The following HOMER1 variants were observed in gnomAD, a reference collection of about 807,000 sequenced individuals.
HOMER1 encodes the protein homer scaffold protein 1, also known as homer protein homolog 1.
HOMER1 carries 3 observed loss-of-function variants against 48.9 expected under a neutral mutation model. The ratio of observed to expected loss-of-function variants is 0.06; its 90% CI spans 0.03 to 0.16. HOMER1 has a LOEUF of 0.16. Among genes scored for constraint, HOMER1 ranks in the 10% least tolerant of loss-of-function variants. The probability of loss-of-function intolerance (pLI) is 1.00; values close to 1 mark genes in which losing one functional copy is unlikely to be tolerated. For synonymous variants in HOMER1, 134 were observed against 146.4 expected, an observed-to-expected ratio of 0.92 and a Z score of 0.61; for missense variants, 247 against 411.4, an observed-to-expected ratio of 0.60 and a Z score of 3.46.
chr5:79,409,895 G>A (rs1749769996), intron 5 of HOMER1, among the ~76,000 whole-genome samples: 1 of 152,136 alleles, frequency 6.6e-6, no homozygotes, highest in African/African-American at 2.4e-5. Flanking sequence ...GGTGGAGAAA[G>A]TGGAACCCTA....
intron 1 of HOMER1, among the ~76,000 whole-genome samples, chr5:79,509,013 G>A (rs1254284357): frequency 6.6e-6 from 1 of 152,200 alleles, no homozygotes; most frequent in Non-Finnish European, 1.5e-5. Flanking sequence ...GGTTATCTTT[G>A]CAATAAAACC....
At chr5:79,458,183 G>A (rs1486493520) in intron 1 of HOMER1, among the ~76,000 whole-genome samples, 1 of 152,016 alleles carries the variant, frequency 6.6e-6, no homozygotes, top group Non-Finnish European at 1.5e-5. Flanking sequence ...TTTACAGTAT[G>A]AACAACAGGC....
intron 1 of HOMER1, among the ~76,000 whole-genome samples, chr5:79,490,385 A>G (rs2112356346): frequency 1.3e-5 from 2 of 152,230 alleles, no homozygotes; most frequent in East Asian, 3.8e-4. Flanking sequence ...GGTTTAATAA[A>G]TAAGACCAAA....
chr5:79,478,580 G>C (rs964848116), intron 1 of HOMER1, among the ~76,000 whole-genome samples: 2 of 151,758 alleles, frequency 1.3e-5, no homozygotes, highest in African/African-American at 4.8e-5. Context: ...AAACAACCTG[G>C]ATCATTTTAA....
At position 79,429,531 on chromosome 5, in the gene HOMER1, A is replaced by G. The variant is rs547034025; in HGVS notation, c.527+9479T>C. Among the ~76,000 whole-genome samples the G allele has an allele frequency of 4.1e-4, 63 of 152,336 alleles. No individual in the cohort carries two copies. In the South Asian group the frequency reaches 0.012, roughly 29 times the overall value. ...AGTCTTTTCAACAAATGGTGCTGGA[A>G]CAACTGGATAGATGTGGACCTCTAT... On this transcript the variant is annotated intron_variant, in intron 5 of 8. Coordinates refer to ENST00000334082, the MANE Select transcript of HOMER1 (RefSeq NM_004272.5).
At chr5:79,376,241 C>G (rs752034569) in intron 8 of HOMER1, 44 bp from the exon 9 acceptor site, 17 of 1,410,630 alleles carry the variant, frequency 1.2e-5, no homozygotes, top group Non-Finnish European at 1.5e-5. Flanking sequence ...CAATTCATCA[C>G]TTAGAAAACA....
chr5:79,486,299 C>T (rs1001245977), intron 1 of HOMER1, among the ~76,000 whole-genome samples: 4 of 147,332 alleles, frequency 2.7e-5, no homozygotes, highest in African/African-American at 1.0e-4. Flanking sequence ...TTTTAAGCCA[C>T]TAAATTTTGG....
chr5:79,404,466 A>G (rs1749611680), intron 5 of HOMER1, among the ~76,000 whole-genome samples: 1 of 152,188 alleles, frequency 6.6e-6, no homozygotes, highest in South Asian at 2.1e-4. Context: ...TATGTCAAAT[A>G]AATAGATCAG....
At chr5:79,380,519 C>T (rs1195308532) in intron 8 of HOMER1, among the ~76,000 whole-genome samples, 1 of 152,192 alleles carries the variant, frequency 6.6e-6, no homozygotes, top group Non-Finnish European at 1.5e-5. Context: ...GTGGCGTGCA[C>T]ATTTCCCACA....
intron 2 of HOMER1, 81 bp from the exon 3 acceptor site, chr5:79,451,202 A>C (rs1751017267): frequency 3.5e-6 from 5 of 1,436,888 alleles, no homozygotes; most frequent in Admixed American, 3.7e-5. Flanking sequence ...AGTTACATAA[A>C]AGCTTAAGAT....
rs892968361 is a variant in HOMER1, at chr5:79,403,128, T to C, written c.528-1073A>G. Among the ~76,000 whole-genome samples, 8 of 152,328 alleles carry C rather than the reference T, an allele frequency of 5.3e-5. No homozygotes were observed. In the East Asian group the frequency reaches 7.7e-4, roughly 15 times the overall value. ...TCCTCTTGAAAATTCCTTTCCTAAC[T>C]TTCCAATGAAGAATTGCCTCATTAG... On this transcript the variant is annotated intron_variant, in intron 5 of 8. Coordinates refer to ENST00000334082, the MANE Select transcript of HOMER1 (RefSeq NM_004272.5).
intron 1 of HOMER1, among the ~76,000 whole-genome samples, chr5:79,511,554 G>A (rs1752942612): frequency 6.6e-6 from 1 of 152,190 alleles, no homozygotes; most frequent in Admixed American, 6.5e-5. Flanking sequence ...AGCAGCGCTA[G>A]AAATAGAATG....
At chr5:79,496,179 G>A (rs1447594476) in intron 1 of HOMER1, among the ~76,000 whole-genome samples, 6 of 152,156 alleles carry the variant, frequency 3.9e-5, no homozygotes, top group Non-Finnish European at 8.8e-5. Context: ...GAGGCAAAGG[G>A]ACTGCAGAGG....
intron 5 of HOMER1, among the ~76,000 whole-genome samples, chr5:79,422,125 G>T (rs1454165336): frequency 6.6e-6 from 1 of 151,860 alleles, no homozygotes; most frequent in African/African-American, 2.4e-5. Flanking sequence ...TACTCAGGAG[G>T]CTGAGGTGGG....
intron 1 of HOMER1, among the ~76,000 whole-genome samples, chr5:79,504,469 T>A (rs1237839034): frequency 6.6e-6 from 1 of 150,786 alleles, no homozygotes; most frequent in South Asian, 2.1e-4. Context: ...TTAAATATTA[T>A]AATAGGTTCA....
At chr5:79,438,021 T>C (rs139598047) in intron 5 of HOMER1, among the ~76,000 whole-genome samples, 84 of 152,316 alleles carry the variant, frequency 5.5e-4, no homozygotes, top group African/African-American at 2.0e-3. Context: ...TCTCCCAATG[T>C]TAGCCTCTAC....
At chr5:79,483,165 T>C (rs370653030) in intron 1 of HOMER1, among the ~76,000 whole-genome samples, 15 of 152,090 alleles carry the variant, frequency 9.9e-5, no homozygotes, top group Admixed American at 5.9e-4. Flanking sequence ...TTAAAGCCAA[T>C]GATAAAACCT....
At chr5:79,490,727 T>A (rs1265288285) in intron 1 of HOMER1, among the ~76,000 whole-genome samples, 1 of 146,640 alleles carries the variant, frequency 6.8e-6, no homozygotes, top group Non-Finnish European at 1.5e-5. Context: ...AGGCCAGGAG[T>A]TTGATTCCAG....
chr5:79,429,008 T>G (rs1458598899), intron 5 of HOMER1, among the ~76,000 whole-genome samples: 1 of 152,172 alleles, frequency 6.6e-6, no homozygotes, highest in Non-Finnish European at 1.5e-5. Flanking sequence ...AAAACAATCT[T>G]GAAAATAATA....
Sources: gnomAD v4.1 joint callset for allele counts (sites outside exome capture counted in the v4.1 genomes callset) on GRCh38, gnomAD v4.1.1 for gene constraint, MANE v1.5 for transcripts, NCBI Gene and HGNC (gene_info 2026-07-23, HGNC 2026-07-21) for gene names.